Variants in MEIKIN observed in about 807,000 individuals in gnomAD.
MEIKIN encodes the protein meiosis-specific kinetochore protein.
chr5:131,915,221 A>G (rs750766997), intron 7 of MEIKIN, among the ~76,000 whole-genome samples: 8 of 152,138 alleles, frequency 5.3e-5, no homozygotes, highest in Non-Finnish European at 1.2e-4. Flanking sequence ...CTTCAATGAG[A>G]CTCAAAGGGT....
intron 11 of MEIKIN, among the ~76,000 whole-genome samples, chr5:131,830,070 A>C (rs555926379): frequency 6.6e-6 from 1 of 152,304 alleles, no homozygotes; most frequent in African/African-American, 2.4e-5. Context: ...TGTATGCCAT[A>C]AATTGGGTAG....
chr5:131,911,910 T>C (rs529526461), intron 7 of MEIKIN, 31 bp from the exon 8 acceptor site: 20 of 397,348 alleles, frequency 5.0e-5, no homozygotes, highest in African/African-American at 3.9e-4. Flanking sequence ...TTAGTGGTAT[T>C]TTCTAAATCC....
intron 8 of MEIKIN, 63 bp downstream of exon 8, chr5:131,911,752 A>G (rs1255806460): frequency 7.6e-6 from 3 of 394,426 alleles, no homozygotes; most frequent in Non-Finnish European, 1.3e-5. Context: ...ATAAACACAG[A>G]ATCGTGTTTT....
At chr5:131,831,256 A>G (rs943396399) in intron 11 of MEIKIN, among the ~76,000 whole-genome samples, 1 of 152,186 alleles carries the variant, frequency 6.6e-6, no homozygotes, top group Non-Finnish European at 1.5e-5. Flanking sequence ...ATGAGTCAAT[A>G]AATCCTCTTT....
chr5:131,816,737 T>C (rs1165354461), intron 12 of MEIKIN, among the ~76,000 whole-genome samples: 1 of 152,248 alleles, frequency 6.6e-6, no homozygotes, highest in Non-Finnish European at 1.5e-5. Flanking sequence ...CCTACCACTA[T>C]GCTGATGTTA....
intron 11 of MEIKIN, among the ~76,000 whole-genome samples, chr5:131,846,427 T>C (rs941664769): frequency 6.6e-6 from 1 of 152,242 alleles, no homozygotes; most frequent in Non-Finnish European, 1.5e-5. Context: ...GTTTTCTATA[T>C]GATTTAAGAG....
At chr5:131,854,562 A>T (rs768027854) in intron 10 of MEIKIN, among the ~76,000 whole-genome samples, 192 bp downstream of exon 10, 13 of 152,158 alleles carry the variant, frequency 8.5e-5, no homozygotes, top group Non-Finnish European at 1.8e-4. Flanking sequence ...TTGCTGCAGT[A>T]CTCTAATTTT....
At chr5:131,851,555 C>T (rs928213700) in intron 10 of MEIKIN, among the ~76,000 whole-genome samples, 172 bp from the exon 11 acceptor site, 2 of 152,210 alleles carry the variant, frequency 1.3e-5, no homozygotes, top group Admixed American at 6.5e-5. Context: ...TTGGACATAA[C>T]TCTTCAAAAG....
chr5:131,875,798 T>G (rs1750601696), intron 9 of MEIKIN, among the ~76,000 whole-genome samples: 2 of 152,128 alleles, frequency 1.3e-5, no homozygotes, highest in East Asian at 1.9e-4. Flanking sequence ...AAAACAGAGA[T>G]ATAGACCTAT....
intron 9 of MEIKIN, among the ~76,000 whole-genome samples, chr5:131,877,376 T>A (rs1157938015): frequency 6.6e-6 from 1 of 152,166 alleles, no homozygotes; most frequent in Non-Finnish European, 1.5e-5. Context: ...CTGGGCATGA[T>A]GGCTCACACC....
chr5:131,874,947 T>C (rs954218603), intron 9 of MEIKIN, among the ~76,000 whole-genome samples: 7 of 152,182 alleles, frequency 4.6e-5, no homozygotes, highest in Non-Finnish European at 8.8e-5. Flanking sequence ...TCAACAACAC[T>C]TCATGCTAAA....
rs188056983 is a variant in MEIKIN at position 131,879,345 on chromosome 5, T to C, written c.704-297A>G. Among the ~76,000 whole-genome samples the C allele has an allele frequency of 5.9e-5, 9 of 152,342 alleles. No individual in the cohort carries two copies. The East Asian group carries it at 1.7e-3, about 29-fold the overall frequency. Reference sequence around the variant, plus strand: ...GATTATACTTCTTCATTCATTATCCTACCATTTCCACTCTCCACATTTTCA... The same window carrying C: ...GATTATACTTCTTCATTCATTATCCCACCATTTCCACTCTCCACATTTTCA... On this transcript the variant is annotated intron_variant, in intron 8 of 12. Coordinates refer to ENST00000442687, the MANE Select transcript of MEIKIN (RefSeq NM_001303622.2).
chr5:131,858,973 G>A (rs1455227592), intron 9 of MEIKIN, among the ~76,000 whole-genome samples: 2 of 152,196 alleles, frequency 1.3e-5, no homozygotes, highest in Non-Finnish European at 2.9e-5. Flanking sequence ...ATCCACTGCT[G>A]GTGGGAATAT....
chr5:131,841,107 G>A (rs1404612559), intron 11 of MEIKIN, among the ~76,000 whole-genome samples: 2 of 152,020 alleles, frequency 1.3e-5, no homozygotes, highest in African/African-American at 4.8e-5. Context: ...GGAGATTTTA[G>A]GGGGCCAAGT....
intron 11 of MEIKIN, among the ~76,000 whole-genome samples, chr5:131,842,938 A>G (rs1192458931): frequency 6.6e-6 from 1 of 152,210 alleles, no homozygotes; most frequent in African/African-American, 2.4e-5. Context: ...TTCTGCCTGG[A>G]TGTCCAGGTG....
chr5:131,918,134 C>G (rs952652315), intron 6 of MEIKIN, among the ~76,000 whole-genome samples: 2 of 152,070 alleles, frequency 1.3e-5, no homozygotes, highest in Non-Finnish European at 2.9e-5. Flanking sequence ...ATTATGTAAG[C>G]CCACAGCCAG....
intron 8 of MEIKIN, among the ~76,000 whole-genome samples, chr5:131,887,699 G>T (rs982811869): frequency 5.4e-5 from 8 of 148,094 alleles, no homozygotes; most frequent in East Asian, 2.0e-4. Context: ...TTGTAAATTT[G>T]TTTTTTTTTT....
At chr5:131,860,676 T>C (rs1750269196) in intron 9 of MEIKIN, among the ~76,000 whole-genome samples, 1 of 149,000 alleles carries the variant, frequency 6.7e-6, no homozygotes. Flanking sequence ...CTTGAACTCC[T>C]CACCTCATGA....
intron 11 of MEIKIN, among the ~76,000 whole-genome samples, chr5:131,841,552 A>C (rs572116458): frequency 6.6e-6 from 1 of 152,270 alleles, no homozygotes; most frequent in African/African-American, 2.4e-5. Flanking sequence ...TGTTGTTTCT[A>C]AAGATTGCTT....
Sources: allele counts gnomAD v4.1 joint callset (sites outside exome capture counted in the v4.1 genomes callset), GRCh38; gene constraint gnomAD v4.1.1; transcripts MANE v1.5; gene names NCBI Gene and HGNC (gene_info 2026-07-23, HGNC 2026-07-21).